The following SYT1 variants were observed in gnomAD, a reference collection of about 807,000 sequenced individuals.
SYT1 encodes the protein synaptotagmin 1, also known as synaptotagmin-1.
SYT1 carries 8 observed loss-of-function variants against 44.8 expected under a neutral mutation model. The observed-to-expected ratio is 0.18, with a 90% CI of 0.10 to 0.32. The LOEUF (loss-of-function observed/expected upper bound fraction) is 0.32. SYT1 is among the 10% of genes least tolerant of loss of function. The pLI is 1.00. For synonymous variants in SYT1, 154 were observed against 188.8 expected, an observed-to-expected ratio of 0.82 and a Z score of 1.51; for missense variants, 286 against 509.3, an observed-to-expected ratio of 0.56 and a Z score of 4.22.
intron 2 of SYT1, among the ~76,000 whole-genome samples, chr12:78,978,653 C>G (rs73148226): frequency 1.3e-5 from 2 of 152,114 alleles, no homozygotes; most frequent in African/African-American, 4.8e-5. Context: ...ATGAAGTAAA[C>G]GTGAGGTGAT....
intron 1 of SYT1, among the ~76,000 whole-genome samples, chr12:78,937,144 G>A (rs766186416): frequency 9.9e-5 from 15 of 152,196 alleles, no homozygotes; most frequent in Non-Finnish European, 1.5e-4. Flanking sequence ...GAATCAGGAA[G>A]CAGCCTGTCT....
intron 3 of SYT1, chr12:79,102,922 T>C (rs1019413357): frequency 6.6e-6 from 1 of 150,698 alleles, no homozygotes; most frequent in East Asian, 1.9e-4. Flanking sequence ...AATATGAGCA[T>C]TTGTCATGTA....
intron 2 of SYT1, among the ~76,000 whole-genome samples, chr12:79,028,797 G>A (rs931955573): frequency 5.3e-5 from 8 of 151,330 alleles, no homozygotes; most frequent in Admixed American, 6.6e-5. Flanking sequence ...GTATAATTGA[G>A]TGACAATTTT....
chr12:79,260,666 T>G (rs910960154), intron 4 of SYT1, among the ~76,000 whole-genome samples: 2 of 152,208 alleles, frequency 1.3e-5, no homozygotes, highest in African/African-American at 4.8e-5. Flanking sequence ...TTTCATTATA[T>G]TTTTCTCTAC....
intron 3 of SYT1, among the ~76,000 whole-genome samples, chr12:79,101,482 G>A (rs1043987384): frequency 3.3e-5 from 5 of 152,170 alleles, no homozygotes; most frequent in Admixed American, 6.6e-5. Context: ...GAGAGTCAGA[G>A]TATACAAGGT....
At chr12:79,134,739 C>G (rs2138191157) in intron 3 of SYT1, among the ~76,000 whole-genome samples, 1 of 152,148 alleles carries the variant, frequency 6.6e-6, no homozygotes, top group African/African-American at 2.4e-5. Context: ...CGATGGGTAT[C>G]AATTCCATGC....
intron 1 of SYT1, among the ~76,000 whole-genome samples, chr12:78,909,381 C>T (rs1876179244): frequency 6.6e-6 from 1 of 151,540 alleles, no homozygotes. Context: ...CTTATTACAT[C>T]TTCAAATTGT....
rs1474536031 is a variant in SYT1 at position 79,204,822 on chromosome 12, C to T, written c.-17-12681C>T. On this transcript the variant is annotated intron_variant, in intron 3 of 10. Transcript: ENST00000261205. ...TTTTTGAGACGGAGTCTCTCTTTGT[C>T]GCCCAGGCTGGAGTGCAGTGGTGCA... is the stretch of plus-strand genomic sequence containing the variant. Among the ~76,000 whole-genome samples, 36 of 102,384 alleles carry T rather than the reference C, an allele frequency of 3.5e-4. 4 individuals carry two copies. Among genetic ancestry groups the T allele is most frequent in the African/African-American group, 1.4e-3 (36 of 25,610 alleles). The allele number at this position is 102,384 out of a possible 152,430, so 67.2% of individuals were successfully genotyped here.
chr12:78,898,865 G>T (rs1487259658), intron 1 of SYT1, among the ~76,000 whole-genome samples: 2 of 152,036 alleles, frequency 1.3e-5, no homozygotes, highest in Non-Finnish European at 2.9e-5. Context: ...ATTTGAAATG[G>T]ATACTTACAA....
intron 3 of SYT1, among the ~76,000 whole-genome samples, chr12:79,056,487 A>G (rs1331656399): frequency 6.6e-6 from 1 of 152,082 alleles, no homozygotes; most frequent in Non-Finnish European, 1.5e-5. Context: ...CCCTAGAAGT[A>G]GGCTGAATCA....
chr12:79,166,361 A>G lies in SYT1; in HGVS notation c.-17-51142A>G, dbSNP rs368124126. Among the ~76,000 whole-genome samples, 10 of 152,132 alleles carry G rather than the reference A, an allele frequency of 6.6e-5. 1 individual carries two copies. Among genetic ancestry groups the G allele is most frequent in the Admixed American group, 3.3e-4 (5 of 15,258 alleles). On this transcript the variant is annotated intron_variant, in intron 3 of 10. Transcript: ENST00000261205. The stretch of plus-strand genomic sequence containing the variant: ...ATTCAATAATGAATATAAACATTTA[A>G]TGCAATGCATAGAATAGAATTCATA...
At chr12:79,054,445 A>G (rs1874776885) in intron 3 of SYT1, among the ~76,000 whole-genome samples, 1 of 152,056 alleles carries the variant, frequency 6.6e-6, no homozygotes, top group Non-Finnish European at 1.5e-5. Context: ...AATGGATTAT[A>G]GCCATAAGTA....
chr12:79,078,792 A>G (rs942733809), intron 3 of SYT1, among the ~76,000 whole-genome samples: 6 of 152,088 alleles, frequency 3.9e-5, no homozygotes, highest in African/African-American at 1.4e-4. Context: ...GTTTGTGTAT[A>G]CACACACACA....
intron 3 of SYT1, among the ~76,000 whole-genome samples, chr12:79,135,003 A>C (rs1379387266): frequency 6.6e-6 from 1 of 152,110 alleles, no homozygotes; most frequent in Non-Finnish European, 1.5e-5. Context: ...ACACACACAC[A>C]CACACAAATG....
intron 9 of SYT1, among the ~76,000 whole-genome samples, chr12:79,435,545 G>T (rs1467997002): frequency 6.6e-6 from 1 of 152,050 alleles, no homozygotes; most frequent in Non-Finnish European, 1.5e-5. Flanking sequence ...AGGCAGTTTG[G>T]GGTCATGGGG....
intron 3 of SYT1, among the ~76,000 whole-genome samples, chr12:79,108,094 CT>C (rs897338477): frequency 1.5e-4 from 23 of 151,508 alleles, no homozygotes; most frequent in African/African-American, 5.6e-4. Context: ...AATGACATTA[CT>C]TTTTTTTAAT....
intron 2 of SYT1, among the ~76,000 whole-genome samples, chr12:79,015,294 T>C (rs1335502327): frequency 6.6e-6 from 1 of 152,162 alleles, no homozygotes; most frequent in Non-Finnish European, 1.5e-5. Flanking sequence ...AAAGCTAAAC[T>C]TGCACTCTAA....
intron 3 of SYT1, among the ~76,000 whole-genome samples, chr12:79,086,051 A>G (rs1275428782): frequency 2.6e-5 from 4 of 152,146 alleles, no homozygotes; most frequent in African/African-American, 9.7e-5. Flanking sequence ...CTACTCTACA[A>G]GCAGTTTACT....
chr12:79,346,215 G>T (rs1328605129), intron 8 of SYT1, among the ~76,000 whole-genome samples: 2 of 152,098 alleles, frequency 1.3e-5, no homozygotes, highest in African/African-American at 4.8e-5. Context: ...TTTATCCATT[G>T]GAGATGACCT....
Sources: allele counts gnomAD v4.1 joint callset (sites outside exome capture counted in the v4.1 genomes callset), GRCh38; gene constraint gnomAD v4.1.1; transcripts MANE v1.5; gene names NCBI Gene and HGNC (gene_info 2026-07-23, HGNC 2026-07-21).